UHRF1: variants seen among roughly 807,000 people sequenced by gnomAD.
UHRF1 encodes the protein ubiquitin like with PHD and ring finger domains 1, also known as E3 ubiquitin-protein ligase UHRF1.
Under a neutral mutation model 96.5 loss-of-function variants are expected in UHRF1, and 9 were observed. The observed-to-expected ratio is 0.09, with a 90% CI of 0.06 to 0.16. The LOEUF (loss-of-function observed/expected upper bound fraction) is 0.16. Ranked by LOEUF, UHRF1 falls within the 10% of genes least tolerant of loss-of-function variation. The probability of loss-of-function intolerance (pLI) is 1.00; values close to 1 mark genes in which losing one functional copy is unlikely to be tolerated. For missense variants in UHRF1, 626 were observed against 1,131.1 expected (o/e 0.55, Z 6.40); for synonymous variants, 455 against 469.9 (o/e 0.97, Z 0.41).
chr19:4,928,489 C>T (rs554781846), intron 2 of UHRF1, among the ~76,000 whole-genome samples: 20 of 152,274 alleles, frequency 1.3e-4, no homozygotes, highest in Admixed American at 8.5e-4. Context: ...TCAGGTGACC[C>T]GAGGGGCAGG....
chr19:4,938,667 T>TC (rs1371981190), intron 5 of UHRF1, among the ~76,000 whole-genome samples: 2 of 147,094 alleles, frequency 1.4e-5, no homozygotes, highest in Non-Finnish European at 3.0e-5. Flanking sequence ...TCTCGGCCTC[T>TC]CAAAGTGCTG....
At chr19:4,941,085 G>GTTTTTTTTTTTTTTTTTTTTTTTTT (rs869250736) in intron 5 of UHRF1, among the ~76,000 whole-genome samples, 1 of 50,082 alleles carries the variant, frequency 2.0e-5, no homozygotes, top group African/African-American at 9.4e-5. Flanking sequence ...TCTGTGTTTT[G>GTTTTTTTTTTTTTTTTTTTTTTTTT]TTTTTTTTTT....
At chr19:4,944,546 T>A (rs2033507077) in intron 9 of UHRF1, 96 bp downstream of exon 9, 1 of 1,297,222 alleles carries the variant, frequency 7.7e-7, no homozygotes, top group Non-Finnish European at 1.1e-6. Flanking sequence ...GGGGTCAGGG[T>A]GGTTACCAGT....
intron 2 of UHRF1, among the ~76,000 whole-genome samples, chr19:4,927,675 A>G (rs906219502): frequency 6.6e-6 from 1 of 152,192 alleles, no homozygotes; most frequent in African/African-American, 2.4e-5. Context: ...TAGGGGACAC[A>G]TGGTGATGTC....
intron 2 of UHRF1, among the ~76,000 whole-genome samples, chr19:4,926,688 C>T (rs1020542507): frequency 6.6e-6 from 1 of 151,808 alleles, no homozygotes; most frequent in East Asian, 1.9e-4. Context: ...ATTACTTGAG[C>T]CCAAGGTTCG....
intron 15 of UHRF1, among the ~76,000 whole-genome samples, chr19:4,955,683 G>C (rs926894574): frequency 2.0e-5 from 3 of 152,042 alleles, no homozygotes; most frequent in African/African-American, 7.2e-5. Context: ...ACCTTCACTT[G>C]TGTCTCTTTG....
chr19:4,946,263 GTGGAATCGCAC>G, intron 10 of UHRF1, among the ~76,000 whole-genome samples: 1 of 151,242 alleles, frequency 6.6e-6, no homozygotes, highest in South Asian at 2.1e-4. Flanking sequence ...CCTCCTGGGA[GTGGAATCGCAC>G]GGCCTGCGTC....
At chr19:4,922,665 C>T (rs538724525) in intron 2 of UHRF1, among the ~76,000 whole-genome samples, 11 of 152,358 alleles carry the variant, frequency 7.2e-5, no homozygotes, top group Admixed American at 6.5e-5. Flanking sequence ...CTTCGCGCTT[C>T]GGGTTGTGCA....
chr19:4,912,125 G>A (rs2032304068), intron 2 of UHRF1, among the ~76,000 whole-genome samples: 1 of 152,170 alleles, frequency 6.6e-6, no homozygotes, highest in Admixed American at 6.6e-5. Flanking sequence ...GAGACGTGAT[G>A]ACTTGAGTCT....
intron 9 of UHRF1, 98 bp from the exon 10 acceptor site, chr19:4,945,763 G>A (rs1178438634): frequency 2.0e-6 from 2 of 1,012,998 alleles, no homozygotes; most frequent in Non-Finnish European, 3.0e-6. Context: ...GTAAAAGTGA[G>A]GCCGCTGGCT....
Position 4,930,582 on chromosome 19 carries a change from G to A in UHRF1, c.409-134G>A, listed in dbSNP as rs1220881555. The A allele has an allele frequency of 1.6e-5, 18 of 1,141,926 alleles. No homozygotes were observed. Among genetic ancestry groups the A allele is most frequent in the Non-Finnish European group, 2.1e-5 (17 of 807,652 alleles). 70.7% of individuals were successfully genotyped at this position (1,141,926 alleles called of 1,614,324 possible). On this transcript the variant is annotated intron_variant, in intron 3 of 16. Transcript: ENST00000650932. The surrounding 1 kb of genome is among the most constrained non-coding windows in gnomAD (Gnocchi z 4.4). ...CTCATGGTCAGCGGTTCCCAGCCAG[G>A]GAGGAGAAACCTCGCTGTGGGCATT...
chr19:4,931,625 C>T lies in UHRF1; in HGVS notation c.569+749C>T, dbSNP rs554794386. Among the ~76,000 whole-genome samples the T allele has an allele frequency of 1.0e-4, 15 of 150,108 alleles. 1 individual carries two copies. Among genetic ancestry groups the T allele is most frequent in the Admixed American group, 6.0e-4 (9 of 15,070 alleles). The stretch of plus-strand genomic sequence containing the variant: ...TGGGATTACAGGTGTGTGGCCACCA[C>T]GCCTGGCTAATTTTTGTATTTTCAG... On this transcript the variant is annotated intron_variant, in intron 4 of 16. Transcript: ENST00000650932.
intron 7 of UHRF1, 36 bp downstream of exon 7, chr19:4,941,967 GCGC>G: frequency 6.9e-7 from 1 of 1,447,470 alleles, no homozygotes; most frequent in Non-Finnish European, 9.1e-7. Context: ...GGAGACCAGA[GCGC>G]CCCCTACAAA....
chr19:4,945,797 C>G lies in UHRF1; in HGVS notation c.1306-64C>G, dbSNP rs17884654. Reference sequence around the variant, plus strand: ...CTGCTCGGGGTAGGGAGGAGGAGGGCGGTGGAGCTTCTCTGCAGCAGTCAT... The same window carrying G: ...CTGCTCGGGGTAGGGAGGAGGAGGGGGGTGGAGCTTCTCTGCAGCAGTCAT... On this transcript the variant is annotated intron_variant, in intron 9 of 16. Coordinates refer to ENST00000650932, the MANE Select transcript of UHRF1 (RefSeq NM_001048201.3). The G allele has an allele frequency of 1.1e-5, 15 of 1,383,614 alleles. No homozygotes were observed. In the East Asian group the frequency reaches 1.7e-4, roughly 16 times the overall value. The allele number at this position is 1,383,614 out of a possible 1,614,324, so 85.7% of individuals were successfully genotyped here. A position where few individuals can be genotyped will look rare whatever the true frequency, so the allele number is the denominator to read the frequency against.
At chr19:4,908,541 G>A (rs1188840458), upstream of UHRF1, among the ~76,000 whole-genome samples, 1 of 151,904 alleles carries the variant, frequency 6.6e-6, no homozygotes, top group African/African-American at 2.4e-5. Context: ...GCCTTTTCCG[G>A]CCTCTGGGTT....
intron 2 of UHRF1, among the ~76,000 whole-genome samples, chr19:4,918,738 T>A (rs999132631): frequency 2.7e-5 from 4 of 149,114 alleles, no homozygotes; most frequent in Non-Finnish European, 5.9e-5. Context: ...TTTTTTTTTT[T>A]TAGACAGGCT....
At chr19:4,960,548 G>A in intron 16 of UHRF1, 109 bp from the exon 17 acceptor site, 1 of 1,459,798 alleles carries the variant, frequency 6.9e-7, no homozygotes, top group Non-Finnish European at 9.4e-7. Flanking sequence ...CTGAAGGTCA[G>A]AGGGGCCTCT....
upstream of UHRF1, among the ~76,000 whole-genome samples, chr19:4,907,080 C>G (rs2032079445): frequency 6.6e-6 from 1 of 152,210 alleles, no homozygotes; most frequent in Admixed American, 6.5e-5. Context: ...GCTGCTATGA[C>G]AAAGGACCAC....
chr19:4,951,246 A>G (rs1287469888), intron 13 of UHRF1, among the ~76,000 whole-genome samples: 1 of 152,172 alleles, frequency 6.6e-6, no homozygotes, highest in Non-Finnish European at 1.5e-5. Flanking sequence ...AGCCTGGGTG[A>G]CAGAATGAGA....
Sources: gnomAD v4.1 joint callset for allele counts (sites outside exome capture counted in the v4.1 genomes callset) on GRCh38, gnomAD v4.1.1 for gene constraint, Gnocchi (gnomAD v3.1) non-coding constraint, MANE v1.5 for transcripts, NCBI Gene and HGNC (gene_info 2026-07-23, HGNC 2026-07-21) for gene names.